Variants in TNNI3K observed in about 807,000 individuals in gnomAD.
The protein encoded by TNNI3K is serine/threonine-protein kinase TNNI3K.
Under a neutral mutation model 114.5 loss-of-function variants are expected in TNNI3K, and 140 were observed. The observed-to-expected ratio is 1.22, with a 90% CI of 1.07 to 1.41. The LOEUF (loss-of-function observed/expected upper bound fraction) is 1.41, where lower values mean the gene tolerates loss of function less well. Ranked by LOEUF, TNNI3K falls within the 40% of genes most tolerant of loss-of-function variation. The pLI, the probability that TNNI3K is intolerant of heterozygous loss-of-function variation, is 0.00. For synonymous variants in TNNI3K, 347 were observed against 347.5 expected, an observed-to-expected ratio of 1.00 and a Z score of 0.02; for missense variants, 1,125 against 1,007.6, an observed-to-expected ratio of 1.12 and a Z score of -1.58.
intron 17 of TNNI3K, among the ~76,000 whole-genome samples, chr1:74,418,800 C>A (rs1246119884): frequency 1.3e-5 from 2 of 151,278 alleles, no homozygotes; most frequent in Non-Finnish European, 2.9e-5. Flanking sequence ...AAGTCAGTTT[C>A]TTTCTTAGAT....
intron 9 of TNNI3K, among the ~76,000 whole-genome samples, chr1:74,345,014 C>T (rs547405474): frequency 5.9e-5 from 9 of 151,882 alleles, no homozygotes; most frequent in South Asian, 2.1e-4. Context: ...TATATGTACA[C>T]GCATACACGT....
At chr1:74,452,802 C>T (rs570966479) in intron 20 of TNNI3K, among the ~76,000 whole-genome samples, 1 of 152,310 alleles carries the variant, frequency 6.6e-6, no homozygotes, top group Non-Finnish European at 1.5e-5. Context: ...CATCTCACCA[C>T]ATGCAGCCCG....
chr1:74,472,319 T>G, intron 21 of TNNI3K: 1 of 599,610 alleles, frequency 1.7e-6, no homozygotes, highest in Non-Finnish European at 3.0e-6. Context: ...ATTGCAGTTC[T>G]TCACTATTTC....
intron 7 of TNNI3K, chr1:74,341,667 T>A (rs1660753758): frequency 6.6e-6 from 1 of 151,966 alleles, no homozygotes; most frequent in Admixed American, 6.6e-5. Flanking sequence ...ATCTTCTTCC[T>A]CAGAACAGAG....
chr1:74,305,994 T>C (rs1658612460), intron 5 of TNNI3K, among the ~76,000 whole-genome samples: 1 of 152,178 alleles, frequency 6.6e-6, no homozygotes, highest in Non-Finnish European at 1.5e-5. Flanking sequence ...AGGTAGTTGT[T>C]CAGCCATTGT....
At chr1:74,462,102 A>T (rs1171867607) in intron 20 of TNNI3K, among the ~76,000 whole-genome samples, 1 of 152,252 alleles carries the variant, frequency 6.6e-6, no homozygotes, top group Admixed American at 6.5e-5. Flanking sequence ...AAATGATAAC[A>T]TTTATTCCTT....
At chr1:74,252,953 A>G (rs1157841410) in intron 4 of TNNI3K, among the ~76,000 whole-genome samples, 1 of 152,158 alleles carries the variant, frequency 6.6e-6, no homozygotes, top group Non-Finnish European at 1.5e-5. Context: ...GCCCCCACCC[A>G]CATCCTGCTG....
At chr1:74,457,916 T>C (rs897238105) in intron 20 of TNNI3K, among the ~76,000 whole-genome samples, 1 of 152,170 alleles carries the variant, frequency 6.6e-6, no homozygotes, top group African/African-American at 2.4e-5. Flanking sequence ...AGTAACTCAA[T>C]GTAATATTTT....
intron 5 of TNNI3K, among the ~76,000 whole-genome samples, chr1:74,301,446 C>T (rs1336225450): frequency 6.6e-6 from 1 of 151,804 alleles, no homozygotes; most frequent in African/African-American, 2.4e-5. Flanking sequence ...TAAGAATGAC[C>T]CAGACAATCC....
Position 74,404,320 on chromosome 1 carries a change from C to T in TNNI3K, c.1773-31760C>T, listed in dbSNP as rs970627035. On this transcript the variant is annotated intron_variant, in intron 17 of 24. Transcript: ENST00000326637. ...TTGTTTTTTGTTTCTCTATCTATTG[C>T]TCTATCCCTTCTATCTCTTCTTGCC... is the stretch of plus-strand genomic sequence containing the variant. Among the ~76,000 whole-genome samples the T allele has an allele frequency of 3.3e-5, 5 of 152,076 alleles. No individual in the cohort carries two copies. The East Asian group carries it at 9.6e-4, about 29-fold the overall frequency.
intron 17 of TNNI3K, chr1:74,378,641 T>TATATATATATA (rs1663044515): frequency 9.7e-5 from 12 of 123,298 alleles, no homozygotes; most frequent in South Asian, 2.7e-4. Context: ...TATATATATA[T>TATATATATATA]TTCATTTCAT....
At chr1:74,420,518 T>C (rs1286998680) in intron 17 of TNNI3K, among the ~76,000 whole-genome samples, 1 of 152,092 alleles carries the variant, frequency 6.6e-6, no homozygotes, top group African/African-American at 2.4e-5. Flanking sequence ...CTCACAGCTT[T>C]CTCAAAGCTT....
At chr1:74,272,753 G>A (rs1042371987) in intron 5 of TNNI3K, among the ~76,000 whole-genome samples, 3 of 151,804 alleles carry the variant, frequency 2.0e-5, no homozygotes, top group Non-Finnish European at 4.4e-5. Flanking sequence ...GCATGATTTG[G>A]CTAACTTCAC....
intron 11 of TNNI3K, among the ~76,000 whole-genome samples, chr1:74,364,449 A>G (rs1662156030): frequency 6.6e-6 from 1 of 151,880 alleles, no homozygotes; most frequent in Admixed American, 6.6e-5. Context: ...ATGAAACTGG[A>G]TGTGGTAGGT....
intron 4 of TNNI3K, 132 bp from the exon 5 acceptor site, chr1:74,271,466 G>C (rs1426355384): frequency 1.3e-6 from 1 of 758,606 alleles, no homozygotes; most frequent in East Asian, 2.7e-5. Flanking sequence ...GTGCTCTTAT[G>C]CTAGAAATCA....
intron 5 of TNNI3K, among the ~76,000 whole-genome samples, chr1:74,278,550 T>C (rs1656818069): frequency 6.6e-6 from 1 of 152,218 alleles, no homozygotes; most frequent in Admixed American, 6.5e-5. Context: ...CCCATTCTTT[T>C]GGGCTGTATA....
chr1:74,448,409 A>G (rs2100691116), intron 20 of TNNI3K, among the ~76,000 whole-genome samples: 1 of 148,098 alleles, frequency 6.8e-6, no homozygotes, highest in Non-Finnish European at 1.5e-5. Flanking sequence ...TCGTCTGCAA[A>G]CAGGGACAAT....
At chr1:74,307,926 G>T (rs936205049) in intron 5 of TNNI3K, among the ~76,000 whole-genome samples, 1 of 152,084 alleles carries the variant, frequency 6.6e-6, no homozygotes, top group Non-Finnish European at 1.5e-5. Flanking sequence ...TTGTGCCACT[G>T]CACTCCAGCC....
At chr1:74,543,796 T>G in intron 24 of TNNI3K, 110 bp from the exon 25 acceptor site, 1 of 1,213,178 alleles carries the variant, frequency 8.2e-7, no homozygotes, top group Admixed American at 2.0e-5. Flanking sequence ...GTTGTCCAGA[T>G]TGTCTGTTCA....
Sources: gnomAD v4.1 joint callset for allele counts (sites outside exome capture counted in the v4.1 genomes callset) on GRCh38, gnomAD v4.1.1 for gene constraint, MANE v1.5 for transcripts, NCBI Gene and HGNC (gene_info 2026-07-23, HGNC 2026-07-21) for gene names.